CTNNBL1: variants seen among roughly 807,000 people sequenced by gnomAD.
The protein encoded by CTNNBL1 is catenin beta like 1.
Under a neutral mutation model 72.7 loss-of-function variants are expected in CTNNBL1, and 31 were observed. The ratio of observed to expected loss-of-function variants is 0.43; its 90% CI spans 0.32 to 0.58. The LOEUF is 0.58. CTNNBL1 is among the 20% of genes least tolerant of loss of function. CTNNBL1 has a pLI of 0.08. For missense variants in CTNNBL1, 534 were observed against 725.1 expected, an observed-to-expected ratio of 0.74 and a Z score of 3.03; for synonymous variants, 240 against 267.3, an observed-to-expected ratio of 0.90 and a Z score of 1.00.
intron 1 of CTNNBL1, among the ~76,000 whole-genome samples, chr20:37,718,186 G>A (rs1212080243): frequency 2.0e-5 from 3 of 151,252 alleles, no homozygotes; most frequent in Non-Finnish European, 4.4e-5. Flanking sequence ...AGGGGCGGCC[G>A]GGCAGAGGCG....
At chr20:37,783,393 G>A (rs909358315) in intron 10 of CTNNBL1, among the ~76,000 whole-genome samples, 6 of 150,700 alleles carry the variant, frequency 4.0e-5, no homozygotes, top group South Asian at 2.1e-4. Context: ...ATTTCTCTTC[G>A]TCTACTAATT....
intron 11 of CTNNBL1, among the ~76,000 whole-genome samples, chr20:37,826,868 A>C (rs1280123953): frequency 6.6e-6 from 1 of 152,234 alleles, no homozygotes; most frequent in East Asian, 1.9e-4. Context: ...TATGTATAAT[A>C]CGTATTTTTA....
intron 13 of CTNNBL1, among the ~76,000 whole-genome samples, chr20:37,843,160 C>T (rs1315326863): frequency 6.6e-6 from 1 of 152,174 alleles, no homozygotes; most frequent in African/African-American, 2.4e-5. Context: ...AATTTGTATT[C>T]GCTCCCCTAC....
intron 10 of CTNNBL1, among the ~76,000 whole-genome samples, chr20:37,783,078 T>A (rs1002481325): frequency 2.6e-5 from 4 of 152,188 alleles, no homozygotes; most frequent in South Asian, 2.1e-4. Flanking sequence ...GCTAATTTTT[T>A]AAAAATATTT....
chr20:37,796,752 C>A (rs1014740822), intron 10 of CTNNBL1, among the ~76,000 whole-genome samples: 2 of 151,640 alleles, frequency 1.3e-5, no homozygotes, highest in Non-Finnish European at 2.9e-5. Flanking sequence ...TCATCACTGG[C>A]CGTCAGAAGC....
At chr20:37,719,323 C>T (rs899567388) in intron 1 of CTNNBL1, among the ~76,000 whole-genome samples, 4 of 152,270 alleles carry the variant, frequency 2.6e-5, no homozygotes, top group Middle Eastern at 3.4e-3. Flanking sequence ...TTAACTTGTC[C>T]TCTTCCCTTG....
intron 11 of CTNNBL1, among the ~76,000 whole-genome samples, chr20:37,839,585 A>G (rs2122810927): frequency 6.6e-6 from 1 of 152,334 alleles, no homozygotes; most frequent in East Asian, 1.9e-4. Context: ...AGCCACCTTT[A>G]AACTTGAAGC....
intron 15 of CTNNBL1, among the ~76,000 whole-genome samples, chr20:37,861,379 CA>C (rs2072490219): frequency 1.3e-5 from 2 of 152,218 alleles, no homozygotes; most frequent in African/African-American, 4.8e-5. Flanking sequence ...CACCGTCAGC[CA>C]CCTAGGCACT....
intron 15 of CTNNBL1, among the ~76,000 whole-genome samples, chr20:37,866,937 T>G (rs2072541434): frequency 6.6e-6 from 1 of 151,758 alleles, no homozygotes. Context: ...CCCGGGGCCT[T>G]GTGGGGGTGG....
At chr20:37,846,592 C>T (rs1316944523) in intron 13 of CTNNBL1, among the ~76,000 whole-genome samples, 3 of 152,070 alleles carry the variant, frequency 2.0e-5, no homozygotes, top group Non-Finnish European at 4.4e-5. Context: ...CTTTAGCTTT[C>T]TTTTCTCTAC....
chr20:37,749,570 G>C (rs2073299390), intron 4 of CTNNBL1, among the ~76,000 whole-genome samples: 1 of 151,656 alleles, frequency 6.6e-6, no homozygotes, highest in Admixed American at 6.6e-5. Context: ...ATGCCAACCT[G>C]CACCCAACTG....
At chr20:37,802,139 A>G (rs2073828339) in intron 10 of CTNNBL1, among the ~76,000 whole-genome samples, 1 of 152,248 alleles carries the variant, frequency 6.6e-6, no homozygotes, top group Admixed American at 6.5e-5. Flanking sequence ...CAACTGATAA[A>G]TGGACCAATT....
chr20:37,824,000 G>T (rs565641704), intron 11 of CTNNBL1, among the ~76,000 whole-genome samples: 2 of 152,206 alleles, frequency 1.3e-5, no homozygotes, highest in East Asian at 3.9e-4. Context: ...TTGGGTGGGG[G>T]TAGGGAGAGG....
chr20:37,765,090 T>G (rs990742845), intron 5 of CTNNBL1, 107 bp from the exon 6 acceptor site: 1 of 751,842 alleles, frequency 1.3e-6, no homozygotes, highest in Admixed American at 2.1e-5. Flanking sequence ...GCTGCTTATT[T>G]ACTTACTTTG....
intron 1 of CTNNBL1, among the ~76,000 whole-genome samples, chr20:37,712,741 G>A (rs2072949755): frequency 6.6e-6 from 1 of 152,254 alleles, no homozygotes; most frequent in Non-Finnish European, 1.5e-5. Context: ...ACTTGTCAGA[G>A]TTGGTTGGCA....
intron 10 of CTNNBL1, among the ~76,000 whole-genome samples, chr20:37,784,869 A>G (rs1314047826): frequency 6.6e-6 from 1 of 152,148 alleles, no homozygotes; most frequent in African/African-American, 2.4e-5. Flanking sequence ...GCTCATTGGC[A>G]TCCTTTTCTT....
At chr20:37,747,874 G>A (rs889148036) in intron 4 of CTNNBL1, among the ~76,000 whole-genome samples, 4 of 152,182 alleles carry the variant, frequency 2.6e-5, no homozygotes, top group African/African-American at 7.2e-5. Flanking sequence ...TCAAAGGAGT[G>A]TATAAGTGCT....
intron 10 of CTNNBL1, among the ~76,000 whole-genome samples, chr20:37,782,147 G>T (rs1350724017): frequency 1.3e-5 from 2 of 152,122 alleles, no homozygotes; most frequent in African/African-American, 4.8e-5. Flanking sequence ...TAAGTGCTAG[G>T]TTTATACAGA....
Position 37,777,644 on chromosome 20 carries a change from T to C in CTNNBL1, c.824-10T>C, listed in dbSNP as rs759460737. 1.1e-5 allele frequency: 17 copies of C among 1,613,272 alleles called. No homozygotes were observed. Among genetic ancestry groups the C allele is most frequent in the South Asian group, 6.6e-5 (6 of 91,056 alleles). On this transcript the variant is annotated splice_polypyrimidine_tract_variant and intron_variant, in intron 8 of 15. Transcript: ENST00000361383. ...CATTTTTTTTCTTCCTCTATTTTTT[T>C]CCCCTTTAGAAAACAGGGAATTGCT...
Sources: allele counts gnomAD v4.1 joint callset (sites outside exome capture counted in the v4.1 genomes callset), GRCh38; gene constraint gnomAD v4.1.1; transcripts MANE v1.5; gene names NCBI Gene and HGNC (gene_info 2026-07-23, HGNC 2026-07-21).